The following PDE4C variants were observed in gnomAD, a reference collection of about 807,000 sequenced individuals.
PDE4C encodes the protein phosphodiesterase 4C.
PDE4C carries 50 observed loss-of-function variants against 63.9 expected under a neutral mutation model. That is an observed-to-expected ratio of 0.78 (90% CI 0.62 to 0.99). The LOEUF is 0.99. Among genes scored for constraint, PDE4C ranks in the 50% least tolerant of loss-of-function variants. The pLI, the probability that PDE4C is intolerant of heterozygous loss-of-function variation, is 0.00. For missense variants in PDE4C, 777 were observed against 899.1 expected (o/e 0.86, Z 1.74); for synonymous variants, 377 against 385.1 (o/e 0.98, Z 0.25).
At chr19:18,232,859 C>G in intron 1 of PDE4C, 1 of 1,337,078 alleles carries the variant, frequency 7.5e-7, no homozygotes, top group Non-Finnish European at 9.8e-7. Context: ...AGACCCCCGC[C>G]CCCTGGAGAA....
chr19:18,242,599 T>C (rs1969061141), intron 1 of PDE4C, among the ~76,000 whole-genome samples: 1 of 147,256 alleles, frequency 6.8e-6, no homozygotes, highest in Non-Finnish European at 1.5e-5. Context: ...CTGGCCAGCA[T>C]GGTGACACCC....
chr19:18,217,025 T>A, intron 11 of PDE4C, 130 bp from the exon 12 acceptor site: 1 of 992,392 alleles, frequency 1.0e-6, no homozygotes, highest in Non-Finnish European at 1.4e-6. Context: ...TGCCCTCCTG[T>A]AAGAAACCAT....
At chr19:18,239,528 C>T (rs941105276) in intron 1 of PDE4C, among the ~76,000 whole-genome samples, 6 of 152,132 alleles carry the variant, frequency 3.9e-5, no homozygotes, top group Admixed American at 2.0e-4. Flanking sequence ...GACCCACGTG[C>T]GCCAGACACA....
At chr19:18,253,955 C>A in the PDE4C span, among the ~76,000 whole-genome samples, 1 of 152,264 alleles carries the variant, frequency 6.6e-6, no homozygotes, top group South Asian at 2.1e-4. Context: ...AAACTTTGTG[C>A]TTCCTCCTTG....
chr19:18,226,990 C>T (rs1427043709), upstream of PDE4C, among the ~76,000 whole-genome samples: 1 of 152,096 alleles, frequency 6.6e-6, no homozygotes, highest in African/African-American at 2.4e-5. Flanking sequence ...CTGGTTAGTG[C>T]AGCTTGCTGG....
chr19:18,244,485 G>C (rs1040546819), intron 1 of PDE4C, among the ~76,000 whole-genome samples: 17 of 151,522 alleles, frequency 1.1e-4, no homozygotes, highest in Non-Finnish European at 2.5e-4. Context: ...TTGTTGTTGG[G>C]TTTTGTTGTT....
chr19:18,252,007 C>G, upstream of PDE4C: 1 of 398,608 alleles, frequency 2.5e-6, no homozygotes, highest in Non-Finnish European at 4.4e-6. Flanking sequence ...AGTTCCAAAA[C>G]TGCAGCCTGT....
chr19:18,244,988 A>G (rs1969106021), intron 1 of PDE4C, among the ~76,000 whole-genome samples: 1 of 151,908 alleles, frequency 6.6e-6, no homozygotes, highest in South Asian at 2.1e-4. Context: ...GGCGCGTGCC[A>G]CCATGCACTG....
Position 18,220,197 on chromosome 19 carries a change from C to T in PDE4C, c.706+29G>A, listed in dbSNP as rs753054388. 7.1e-6 allele frequency: 11 copies of T among 1,542,912 alleles called. No homozygotes were observed. The highest frequency in any genetic ancestry group is 3.4e-5 in the South Asian group (3 of 89,552). On this transcript the variant is annotated intron_variant, in intron 7 of 14. Transcript: ENST00000262805. This position sits in a 1 kb window ranked among gnomAD's most constrained non-coding sequence, Gnocchi z 5.1. ...TTGTTTCTTAGTACTCCTAAAATGTCGTCCAGGCAGTGACTCAACAAAGCT... is the reference window on the plus strand; with the variant it reads ...TTGTTTCTTAGTACTCCTAAAATGTTGTCCAGGCAGTGACTCAACAAAGCT...
chr19:18,210,624 A>C (rs924622759), exon 15 of PDE4C: 4 of 290,192 alleles, frequency 1.4e-5, no homozygotes, highest in African/African-American at 6.5e-5. Flanking sequence ...GAGAGGGTGG[A>C]CTAGAGGCTC....
chr19:18,234,894 G>C (rs1178838177), upstream of PDE4C, among the ~76,000 whole-genome samples: 1 of 152,112 alleles, frequency 6.6e-6, no homozygotes, highest in Non-Finnish European at 1.5e-5. Context: ...TTCAGTCCCT[G>C]TTCTCCACCC....
intron 1 of PDE4C, among the ~76,000 whole-genome samples, chr19:18,247,011 C>T (rs946859808): frequency 1.3e-5 from 2 of 152,194 alleles, no homozygotes; most frequent in Non-Finnish European, 2.9e-5. Context: ...GATTTGAATC[C>T]AGCCCCCGCA....
At position 18,214,086 on chromosome 19, in the gene PDE4C, G is replaced by A. The variant is rs530212737; in HGVS notation, c.1390-596C>T. ...ATCCTGGCTAACATGGTGAAACCCC[G>A]TCTCTACTAAAAATACAAAAAGTTA... is the stretch of plus-strand genomic sequence containing the variant. On this transcript the variant is annotated intron_variant, in intron 12 of 14. Transcript: ENST00000262805. 1.7e-3 allele frequency among the ~76,000 whole-genome samples: 251 copies of A among 152,072 alleles called. 2 individuals carry two copies. Among genetic ancestry groups the A allele is most frequent in the African/African-American group, 5.7e-3 (238 of 41,496 alleles).
At chr19:18,211,419 T>G (rs1363253094) in intron 14 of PDE4C, 143 bp from the exon 15 acceptor site, 1 of 744,608 alleles carries the variant, frequency 1.3e-6, no homozygotes, top group East Asian at 2.7e-5. Flanking sequence ...AAAACCCTTT[T>G]CAAATAACTC....
intron 11 of PDE4C, chr19:18,217,157 TG>T (rs753658246): frequency 6.0e-6 from 2 of 331,766 alleles, no homozygotes; most frequent in African/African-American, 2.3e-5. Context: ...TACTCAGTAA[TG>T]TTTTTTTTTT....
At chr19:18,211,929 G>A in exon 14 of PDE4C, 1 of 1,614,154 alleles carries the variant, frequency 6.2e-7, no homozygotes, top group Non-Finnish European at 8.5e-7. Flanking sequence ...CAGTGCACCA[G>A]GTTCTGCAAG....
rs1187952480 is a variant in PDE4C, at chr19:18,220,915, G to C, written c.458C>G (p.Pro153Arg). The C allele has an allele frequency of 6.2e-7, 1 of 1,605,540 alleles. No individual in the cohort carries two copies. Among genetic ancestry groups the C allele is most frequent in the Non-Finnish European group, 8.5e-7 (1 of 1,177,248 alleles). The change falls in exon 5 of 15, where the codon CCC (proline) becomes CGC (arginine). Residue 153 changes from proline (P) to arginine (R), a missense_variant. Transcript: ENST00000262805. The surrounding 1 kb of genome is among the most constrained non-coding windows in gnomAD (Gnocchi z 5.1). ...ATTGCTGGATGAAGGGTTTCCGACG[G>C]GTCCCTGCCTGCGGTACAGCAGCCT...
chr19:18,220,532 T>C lies in PDE4C; in HGVS notation c.500-17A>G. On this transcript the variant is annotated splice_polypyrimidine_tract_variant and intron_variant, in intron 5 of 14. Transcript: ENST00000262805. The surrounding 1 kb of genome is among the most constrained non-coding windows in gnomAD (Gnocchi z 5.1). ...CCGTGTCCTCTGGGAGCCGAGGCAG[T>C]CAGGGGCCTGCCCAACCCCCCCGCT... 6.4e-7 allele frequency: 1 copy of C among 1,569,928 alleles called. No homozygotes were observed. Among genetic ancestry groups the C allele is most frequent in the South Asian group, 1.1e-5 (1 of 90,126 alleles).
chr19:18,224,380 C>G, intron 1 of PDE4C: 10 of 985,518 alleles, frequency 1.0e-5, no homozygotes, highest in Non-Finnish European at 1.2e-5. Flanking sequence ...ACCGTATCCC[C>G]GTCCACGAGC....
Sources: allele counts gnomAD v4.1 joint callset (sites outside exome capture counted in the v4.1 genomes callset), GRCh38; gene constraint gnomAD v4.1.1; non-coding constraint Gnocchi (gnomAD v3.1); transcripts MANE v1.5; gene names NCBI Gene and HGNC (gene_info 2026-07-23, HGNC 2026-07-21).